Variants in TGFA observed in about 807,000 individuals in gnomAD.
TGFA encodes the protein protransforming growth factor alpha.
TGFA carries 12 observed loss-of-function variants against 21.7 expected under a neutral mutation model. The observed-to-expected ratio is 0.55, with a 90% CI of 0.35 to 0.90. TGFA has a LOEUF of 0.90. TGFA is among the 40% of genes least tolerant of loss of function. The pLI, the probability that TGFA is intolerant of heterozygous loss-of-function variation, is 0.01. For missense variants in TGFA, 178 were observed against 210.8 expected (o/e 0.84, Z 0.96); for synonymous variants, 79 against 88.1 (o/e 0.90, Z 0.58).
chr2:70,517,011 C>T (rs1246950390), intron 1 of TGFA, among the ~76,000 whole-genome samples: 4 of 152,234 alleles, frequency 2.6e-5, no homozygotes, highest in Admixed American at 2.6e-4. Context: ...AAACACTGTA[C>T]AGCTGAATCC....
intron 4 of TGFA, 120 bp downstream of exon 4, chr2:70,456,219 G>A: frequency 7.6e-7 from 1 of 1,319,170 alleles, no homozygotes; most frequent in East Asian, 2.6e-5. Flanking sequence ...TTTCCTGACA[G>A]CACTCAGACA....
chr2:70,553,467 C>T (rs1375373278), intron 1 of TGFA: 1 of 1,407,476 alleles, frequency 7.1e-7, no homozygotes, highest in Non-Finnish European at 9.2e-7. Flanking sequence ...CCCGTTCACA[C>T]TCCGCTTCCC....
At chr2:70,458,841 GTCCCAGCCTTCT>G (rs1234346596) in intron 3 of TGFA, among the ~76,000 whole-genome samples, 1 of 152,110 alleles carries the variant, frequency 6.6e-6, no homozygotes, top group East Asian at 1.9e-4. Context: ...TTCACTTCTG[GTCCCAGCCTTCT>G]TGCTCTTGCA....
At chr2:70,458,676 C>T (rs951661957) in intron 3 of TGFA, among the ~76,000 whole-genome samples, 15 of 152,236 alleles carry the variant, frequency 9.9e-5, no homozygotes, top group Admixed American at 4.6e-4. Flanking sequence ...CCAAGGACCA[C>T]ATTCTCCAGA....
chr2:70,465,497 A>G, intron 3 of TGFA, 119 bp downstream of exon 3: 1 of 1,324,158 alleles, frequency 7.6e-7, no homozygotes. Flanking sequence ...CAATCCTCTG[A>G]CACATCTGGC....
intron 2 of TGFA, among the ~76,000 whole-genome samples, chr2:70,484,863 G>A (rs145173858): frequency 6.6e-6 from 1 of 152,264 alleles, no homozygotes; most frequent in East Asian, 1.9e-4. Flanking sequence ...AAGTTAGTTG[G>A]AATTGATTGT....
At chr2:70,551,976 T>C (rs1553506897) in intron 1 of TGFA, among the ~76,000 whole-genome samples, 2 of 152,182 alleles carry the variant, frequency 1.3e-5, no homozygotes, top group Non-Finnish European at 2.9e-5. Flanking sequence ...ATTTCCTGCC[T>C]CTAATTTTTA....
chr2:70,548,231 C>T (rs1314037021), intron 1 of TGFA, among the ~76,000 whole-genome samples: 3 of 152,146 alleles, frequency 2.0e-5, no homozygotes, highest in East Asian at 1.9e-4. Context: ...TGGGTCCCCA[C>T]GAGGTCATCA....
At chr2:70,469,008 C>T (rs995521458) in intron 2 of TGFA, among the ~76,000 whole-genome samples, 1 of 152,140 alleles carries the variant, frequency 6.6e-6, no homozygotes, top group Non-Finnish European at 1.5e-5. Context: ...TAGTGGATCT[C>T]ATTTGATGTA....
chr2:70,504,447 TATATATATATATATATACAC>T (rs1351955134), intron 2 of TGFA, among the ~76,000 whole-genome samples: 99 of 82,086 alleles, frequency 1.2e-3, no homozygotes, highest in African/African-American at 4.3e-3. Flanking sequence ...TATATATATA[TATATATATATATATATACAC>T]ACATACATAC....
At chr2:70,455,009 C>T (rs996322311) in intron 4 of TGFA, among the ~76,000 whole-genome samples, 1 of 152,202 alleles carries the variant, frequency 6.6e-6, no homozygotes, top group Non-Finnish European at 1.5e-5. Context: ...GCAAGGCTGG[C>T]AGCCCACTAG....
chr2:70,525,592 C>T (rs1672608407), intron 1 of TGFA, among the ~76,000 whole-genome samples: 1 of 152,184 alleles, frequency 6.6e-6, no homozygotes, highest in African/African-American at 2.4e-5. Flanking sequence ...TCTAAGTTCT[C>T]CTCCTTGGGC....
rs3821265 is a variant in TGFA at position 70,471,747 on chromosome 2, G to A, written c.95-6011C>T. ...TCCGCCAAGTCGAGGCAGGGTAGGCGGCCTGCTTTAACCTAAGTAGTCTCC... is the reference window on the plus strand; with the variant it reads ...TCCGCCAAGTCGAGGCAGGGTAGGCAGCCTGCTTTAACCTAAGTAGTCTCC... On this transcript the variant is annotated intron_variant, in intron 2 of 5. Transcript: ENST00000295400. Among the ~76,000 whole-genome samples, 367 of 152,218 alleles carry A rather than the reference G, an allele frequency of 2.4e-3. 9 individuals carry two copies. In the East Asian group the frequency reaches 0.041, roughly 17 times the overall value.
chr2:70,466,642 G>A (rs1242090392), intron 2 of TGFA, among the ~76,000 whole-genome samples: 2 of 152,192 alleles, frequency 1.3e-5, no homozygotes, highest in Admixed American at 1.3e-4. Context: ...AGGATTAGGA[G>A]TGATAAGGCT....
In TGFA at chr2:70,543,052, A is replaced by G. The variant is rs368727245; in HGVS notation, c.40+10676T>C. On this transcript the variant is annotated intron_variant, in intron 1 of 5. Transcript: ENST00000295400. Reference sequence around the variant, plus strand: ...CGGGAGGTGGAGGTTGCAGTGAGCCAAGATTGCGCCATTGCACTCCAGCCT... The same window carrying G: ...CGGGAGGTGGAGGTTGCAGTGAGCCGAGATTGCGCCATTGCACTCCAGCCT... Among the ~76,000 whole-genome samples the G allele has an allele frequency of 8.6e-5, 13 of 151,800 alleles. No individual in the cohort carries two copies. The East Asian group carries it at 1.2e-3, about 14-fold the overall frequency.
intron 2 of TGFA, among the ~76,000 whole-genome samples, chr2:70,471,023 A>G (rs984409492): frequency 6.6e-6 from 1 of 152,278 alleles, no homozygotes; most frequent in Non-Finnish European, 1.5e-5. Context: ...TCCACTATGT[A>G]GAGAGAACCA....
chr2:70,460,644 C>T (rs781940620), intron 3 of TGFA, among the ~76,000 whole-genome samples: 1 of 152,166 alleles, frequency 6.6e-6, no homozygotes, highest in South Asian at 2.1e-4. Flanking sequence ...TTTCAAGAAC[C>T]AGATTCACCA....
At chr2:70,514,673 T>A (rs1396656005) in intron 2 of TGFA, among the ~76,000 whole-genome samples, 186 bp downstream of exon 2, 1 of 152,000 alleles carries the variant, frequency 6.6e-6, no homozygotes, top group Non-Finnish European at 1.5e-5. Flanking sequence ...CAGCCCCCCC[T>A]TGGGCCTGCA....
In TGFA at chr2:70,449,125, G is replaced by A. The variant is rs1669974312; in HGVS notation, c.*1734C>T. ...CTGAACAGATCCAAGTGCTTCAGGT[G>A]TGGCATTGTTAAATAAGAGTGCCAA... On this transcript the variant is annotated 3_prime_UTR_variant, in exon 6 of 6. Transcript: ENST00000295400. The A allele has an allele frequency of 6.6e-6, 1 of 152,190 alleles. No homozygotes were observed. The highest frequency in any genetic ancestry group is 2.4e-5 in the African/African-American group (1 of 41,446). 9.4% of individuals were successfully genotyped at this position (152,190 alleles called of 1,614,324 possible). A position where few individuals can be genotyped will look rare whatever the true frequency, so the allele number is the denominator to read the frequency against.
Sources: gnomAD v4.1 joint callset for allele counts (sites outside exome capture counted in the v4.1 genomes callset) on GRCh38, gnomAD v4.1.1 for gene constraint, MANE v1.5 for transcripts, NCBI Gene and HGNC (gene_info 2026-07-23, HGNC 2026-07-21) for gene names.